The following ABCA10 variants were observed in gnomAD, a reference collection of about 807,000 sequenced individuals.
The protein encoded by ABCA10 is ATP binding cassette subfamily A member 10.
A neutral mutation model predicts 187.5 loss-of-function variants in ABCA10; 169 were observed. The ratio of observed to expected loss-of-function variants is 0.90; its 90% CI spans 0.80 to 1.02. ABCA10 has a LOEUF of 1.02. Ranked by LOEUF, ABCA10 falls within the 50% of genes least tolerant of loss-of-function variation. The pLI is 0.00. For synonymous variants in ABCA10, 574 were observed against 601.8 expected, an observed-to-expected ratio of 0.95 and a Z score of 0.68; for missense variants, 1,727 against 1,812.4, an observed-to-expected ratio of 0.95 and a Z score of 0.86.
At chr17:69,170,273 G>A (rs1306462044) in intron 25 of ABCA10, among the ~76,000 whole-genome samples, 1 of 125,354 alleles carries the variant, frequency 8.0e-6, no homozygotes, top group African/African-American at 3.3e-5. Flanking sequence ...GGGCAACAGA[G>A]TGAGATTCCG....
intron 20 of ABCA10, among the ~76,000 whole-genome samples, chr17:69,183,511 A>G (rs2074396388): frequency 6.6e-6 from 1 of 152,184 alleles, no homozygotes; most frequent in Admixed American, 6.5e-5. Flanking sequence ...TTGCAGCTGC[A>G]GGCTCCATGA....
chr17:69,178,131 C>G (rs894827103), intron 22 of ABCA10, among the ~76,000 whole-genome samples: 17 of 151,098 alleles, frequency 1.1e-4, no homozygotes, highest in Non-Finnish European at 2.4e-4. Flanking sequence ...GAAGCAATAT[C>G]AGGCAAGAAC....
intron 27 of ABCA10, 90 bp from the exon 28 acceptor site, chr17:69,157,013 T>G: frequency 2.7e-6 from 2 of 733,534 alleles, no homozygotes; most frequent in Non-Finnish European, 4.1e-6. Flanking sequence ...TCACAGAAGA[T>G]TTGATCATTT....
intron 19 of ABCA10, among the ~76,000 whole-genome samples, chr17:69,187,351 C>T (rs2074429667): frequency 6.6e-6 from 1 of 152,156 alleles, no homozygotes; most frequent in Non-Finnish European, 1.5e-5. Context: ...TCCTTTTCTT[C>T]TACCATGCTA....
In ABCA10 at chr17:69,240,528, G is replaced by A. The variant is rs2074897454; in HGVS notation, c.-593+4001C>T. ...TAGAGGAAATGGAGGGTTTGGAGTGGCTAACCTAGTTTCCAAACTAAAGCA... is the reference window on the plus strand; with the variant it reads ...TAGAGGAAATGGAGGGTTTGGAGTGACTAACCTAGTTTCCAAACTAAAGCA... On this transcript the variant is annotated intron_variant, in intron 1 of 39. Transcript: ENST00000269081. 2.0e-5 allele frequency among the ~76,000 whole-genome samples: 3 copies of A among 152,310 alleles called. No individual in the cohort carries two copies. In the South Asian group the frequency reaches 6.2e-4, roughly 32 times the overall value.
At chr17:69,162,550 G>T (rs1399640598) in intron 27 of ABCA10, among the ~76,000 whole-genome samples, 1 of 152,130 alleles carries the variant, frequency 6.6e-6, no homozygotes, top group African/African-American at 2.4e-5. Flanking sequence ...GGGCAATTCT[G>T]TGAGAGTTCC....
At chr17:69,210,865 T>TATATATA (rs1555662878) in intron 9 of ABCA10, among the ~76,000 whole-genome samples, 1 of 145,516 alleles carries the variant, frequency 6.9e-6, no homozygotes, top group Admixed American at 6.8e-5. Context: ...TATATATATA[T>TATATATA]GCCATATTTC....
Position 69,182,690 on chromosome 17 carries a change from C to T in ABCA10, c.2616G>A (p.Val872=), listed in dbSNP as rs775333467. 1.2e-6 allele frequency: 2 copies of T among 1,601,814 alleles called. No homozygotes were observed. Among genetic ancestry groups the T allele is most frequent in the South Asian group, 2.2e-5 (2 of 89,146 alleles). Residue 872 remains valine, a synonymous_variant, in exon 21 of 39, where the codon GTG becomes GTA. Coordinates refer to ENST00000690296, the MANE Select transcript of ABCA10 (RefSeq NM_001377321.1). ...DDPSYNGAII[V]SGDQKDYRFS... is the part of the protein sequence containing the mutation. ...GCAAACATACCTTCTGGTCACCAGA[C>T]ACTATGATGGCTCCATTGTAGGAGG...
At chr17:69,226,783 C>T (rs1261044941) in intron 2 of ABCA10, among the ~76,000 whole-genome samples, 1 of 151,814 alleles carries the variant, frequency 6.6e-6, no homozygotes, top group Non-Finnish European at 1.5e-5. Flanking sequence ...TTTTGCCTAG[C>T]TTATCTTTCC....
chr17:69,227,967 G>T (rs568777549), intron 1 of ABCA10, among the ~76,000 whole-genome samples: 1 of 151,856 alleles, frequency 6.6e-6, no homozygotes, highest in African/African-American at 2.4e-5. Context: ...AAAATCCAGA[G>T]CTGATCATTT....
At chr17:69,165,589 T>C (rs1177704096) in intron 25 of ABCA10, among the ~76,000 whole-genome samples, 2 of 152,154 alleles carry the variant, frequency 1.3e-5, no homozygotes. Flanking sequence ...GGTTGTCACT[T>C]TAAAGGGCAG....
At chr17:69,225,071 A>C (rs115820580) in intron 3 of ABCA10, among the ~76,000 whole-genome samples, 184 of 152,168 alleles carry the variant, frequency 1.2e-3, no homozygotes, top group African/African-American at 4.2e-3. Flanking sequence ...TTCCTACTGC[A>C]ACAATATGTT....
chr17:69,179,250 A>G (rs2074360719), intron 22 of ABCA10, among the ~76,000 whole-genome samples: 1 of 152,150 alleles, frequency 6.6e-6, no homozygotes, highest in South Asian at 2.1e-4. Flanking sequence ...AAAGGGAAAA[A>G]TAGAACCCCA....
At chr17:69,201,730 T>G in intron 9 of ABCA10, 62 bp from the exon 10 acceptor site, 2 of 1,296,484 alleles carry the variant, frequency 1.5e-6, no homozygotes, top group Non-Finnish European at 2.1e-6. Context: ...AAAAGGGACA[T>G]CTGTCCTTTA....
intron 1 of ABCA10, among the ~76,000 whole-genome samples, chr17:69,241,713 T>G (rs562668096): frequency 5.9e-5 from 9 of 152,236 alleles, no homozygotes; most frequent in Admixed American, 1.3e-4. Flanking sequence ...CTTATCTCCC[T>G]CCCCATCATC....
rs1174516046 is a variant in ABCA10, at chr17:69,225,369, G to C, written c.-11C>G. ...GGCCATCTTATTCATTATCCTTTGT[G>C]TTATGTTACTGACTGGTGTATATGC... On this transcript the variant is annotated 5_prime_UTR_variant, in exon 3 of 39. Coordinates refer to ENST00000690296, the MANE Select transcript of ABCA10 (RefSeq NM_001377321.1). 9 of 1,613,068 alleles carry C rather than the reference G, an allele frequency of 5.6e-6. No individual in the cohort carries two copies. The highest frequency in any genetic ancestry group is 3.3e-5 in the South Asian group (3 of 91,012).
rs1466283175 is a variant in ABCA10, at chr17:69,222,488, C to T, written c.199+45G>A. The T allele has an allele frequency of 3.5e-6, 5 of 1,428,266 alleles. No homozygotes were observed. In the Admixed American group the frequency reaches 1.3e-4, roughly 37 times the overall value. 88.5% of individuals were successfully genotyped at this position (1,428,266 alleles called of 1,614,324 possible). ...ATCAGTCATTCCAAACAGGGGATTC[C>T]ATGAAGTATCAAAAAAAAATTATAA... On this transcript the variant is annotated intron_variant, in intron 4 of 38. Coordinates refer to ENST00000690296, the MANE Select transcript of ABCA10 (RefSeq NM_001377321.1).
intron 36 of ABCA10, among the ~76,000 whole-genome samples, chr17:69,151,715 T>C (rs1004528971): frequency 6.6e-6 from 1 of 152,198 alleles, no homozygotes; most frequent in African/African-American, 2.4e-5. Flanking sequence ...GGTGAAAGCA[T>C]TGTTTTCATT....
intron 25 of ABCA10, among the ~76,000 whole-genome samples, chr17:69,166,223 A>C (rs1255057574): frequency 6.6e-6 from 1 of 152,032 alleles, no homozygotes; most frequent in African/African-American, 2.4e-5. Context: ...GTTCTTGCAG[A>C]TCTTTCATTG....
Sources: allele counts gnomAD v4.1 joint callset (sites outside exome capture counted in the v4.1 genomes callset), GRCh38; gene constraint gnomAD v4.1.1; transcripts MANE v1.5; gene names NCBI Gene and HGNC (gene_info 2026-07-23, HGNC 2026-07-21).